DAPK2: variants seen among roughly 807,000 people sequenced by gnomAD.
DAPK2 encodes the protein death associated protein kinase 2.
In DAPK2, 35 loss-of-function variants were observed where a neutral mutation model predicts 44.1. The observed-to-expected ratio is 0.79, with a 90% confidence interval of 0.61 to 1.05. The LOEUF is 1.05. Ranked by LOEUF, DAPK2 falls within the 50% of genes least tolerant of loss-of-function variation. DAPK2 has a pLI of 0.00. For synonymous variants in DAPK2, 174 were observed against 182.6 expected, an observed-to-expected ratio of 0.95 and a Z score of 0.38; for missense variants, 453 against 483.2, an observed-to-expected ratio of 0.94 and a Z score of 0.59.
chr15:63,914,553 A>G (rs1203546691), intron 8 of DAPK2, among the ~76,000 whole-genome samples: 1 of 152,128 alleles, frequency 6.6e-6, no homozygotes, highest in East Asian at 1.9e-4. Flanking sequence ...GAGGGTGACC[A>G]ATCTGTGCTG....
At chr15:63,946,315 G>A (rs778445163) in intron 3 of DAPK2, among the ~76,000 whole-genome samples, 2 of 152,246 alleles carry the variant, frequency 1.3e-5, no homozygotes, top group Non-Finnish European at 2.9e-5. Flanking sequence ...TGAAGTCTGA[G>A]CAGGATGAAG....
rs928796354 is a variant in DAPK2 at position 63,966,500 on chromosome 15, T to C, written c.453+4923A>G. The stretch of plus-strand genomic sequence containing the variant: ...CCAAGCACAGCACAGGACCAGGACT[T>C]GTCCAGGAATTGCAGTCCTTGTGGC... On this transcript the variant is annotated intron_variant, in intron 3 of 10. Coordinates refer to ENST00000261891, the Ensembl canonical transcript of DAPK2. The surrounding 1 kb of genome is among the most constrained non-coding windows in gnomAD (Gnocchi z 5.5). 6.6e-6 allele frequency among the ~76,000 whole-genome samples: 1 copy of C among 152,294 alleles called. No individual in the cohort carries two copies. Among genetic ancestry groups the C allele is most frequent in the South Asian group, 2.1e-4 (1 of 4,826 alleles).
rs769342474 is a variant in DAPK2 at position 63,912,093 on chromosome 15, C to T, written c.948+15G>A. ...GCCCCCACCCTGTCCCCCGCCGCCC[C>T]AACCCTGGACACACCTTCCACCGCC... is the stretch of plus-strand genomic sequence containing the variant. On this transcript the variant is annotated intron_variant, in intron 9 of 10. Transcript: ENST00000261891. The surrounding 1 kb of genome is among the most constrained non-coding windows in gnomAD (Gnocchi z 4.4). 5.0e-6 allele frequency: 8 copies of T among 1,612,676 alleles called. No homozygotes were observed. The South Asian group carries it at 7.7e-5, about 16-fold the overall frequency.
At chr15:63,997,403 C>A (rs928931980) in intron 1 of DAPK2, among the ~76,000 whole-genome samples, 10 of 152,220 alleles carry the variant, frequency 6.6e-5, no homozygotes, top group Admixed American at 4.6e-4. Context: ...TCTTGGCTCA[C>A]TGCAACCTCC....
At chr15:64,002,453 T>C (rs780374187) in intron 1 of DAPK2, among the ~76,000 whole-genome samples, 19 of 152,228 alleles carry the variant, frequency 1.2e-4, no homozygotes, top group Non-Finnish European at 2.1e-4. Flanking sequence ...GTGTCTTCCA[T>C]AGCATCTATC....
At chr15:64,014,223 C>G (rs1181218840) in intron 1 of DAPK2, among the ~76,000 whole-genome samples, 4 of 152,232 alleles carry the variant, frequency 2.6e-5, no homozygotes, top group Non-Finnish European at 1.5e-5. Flanking sequence ...CTGCTGGGAC[C>G]AGGATCAGGG....
intron 1 of DAPK2, among the ~76,000 whole-genome samples, chr15:64,023,767 G>A (rs982713791): frequency 1.1e-4 from 17 of 152,168 alleles, no homozygotes; most frequent in Admixed American, 3.3e-4. Flanking sequence ...CACTTCCCAC[G>A]TGCCACGCTA....
In DAPK2 at chr15:63,908,707, A is replaced by G. The variant is rs2078707557; in HGVS notation, c.1033-107T>C. On this transcript the variant is annotated intron_variant, in intron 10 of 10. Coordinates refer to ENST00000261891, the Ensembl canonical transcript of DAPK2. This position sits in a 1 kb window ranked among gnomAD's most constrained non-coding sequence, Gnocchi z 5.7. The stretch of plus-strand genomic sequence containing the variant: ...TGATTCACCTGGACCACGGGACTAC[A>G]AGCCAGGGAGGTGGGTGGTGAAAGC... The G allele has an allele frequency of 1.1e-6, 1 of 881,900 alleles. No homozygotes were observed. The highest frequency in any genetic ancestry group is 1.7e-5 in the African/African-American group (1 of 57,568). The allele number at this position is 881,900 out of a possible 1,614,324, so 54.6% of individuals were successfully genotyped here.
At chr15:64,023,656 C>T (rs1435526171) in intron 1 of DAPK2, among the ~76,000 whole-genome samples, 1 of 152,156 alleles carries the variant, frequency 6.6e-6, no homozygotes, top group Non-Finnish European at 1.5e-5. Context: ...AATACTGATG[C>T]CAGGGCCTCA....
chr15:64,015,460 AC>A (rs1373863042), intron 1 of DAPK2, among the ~76,000 whole-genome samples: 1 of 152,120 alleles, frequency 6.6e-6, no homozygotes, highest in Non-Finnish European at 1.5e-5. Flanking sequence ...GAGTGGATTG[AC>A]CCCCAAAGTT....
In DAPK2 at chr15:63,912,089, G is replaced by A. The variant is rs747691041; in HGVS notation, c.948+19C>T. 4.2e-5 allele frequency: 28 copies of A among 659,468 alleles called. No individual in the cohort carries two copies. The highest frequency in any genetic ancestry group is 2.2e-4 in the South Asian group (16 of 72,660). The allele number at this position is 659,468 out of a possible 1,614,324, so 40.9% of individuals were successfully genotyped here. A position where few individuals can be genotyped will look rare whatever the true frequency, so the allele number is the denominator to read the frequency against. On this transcript the variant is annotated intron_variant, in intron 9 of 10. Transcript: ENST00000261891. This position sits in a 1 kb window ranked among gnomAD's most constrained non-coding sequence, Gnocchi z 4.4. Reference sequence around the variant, plus strand: ...CCTAGCCCCCACCCTGTCCCCCGCCGCCCCAACCCTGGACACACCTTCCAC... The same window carrying A: ...CCTAGCCCCCACCCTGTCCCCCGCCACCCCAACCCTGGACACACCTTCCAC...
chr15:63,939,361 G>T lies in DAPK2; in HGVS notation c.454C>A (p.Pro152Thr). Residue 152 changes from proline to threonine, a missense_variant and splice_region_variant, in exon 4 of 11, where the codon CCA becomes ACA. Pro to Thr is a conservative substitution (Grantham distance 38). Transcript: ENST00000261891. This position sits in a 1 kb window ranked among gnomAD's most constrained non-coding sequence, Gnocchi z 4.3. ...TTGTCTAACAACATAATGTTTTCTG[G>T]CTGGACAACAAAAAGTAGAAAAAAA... is the stretch of plus-strand genomic sequence containing the variant. 1 of 1,574,672 alleles carries T rather than the reference G, an allele frequency of 6.4e-7. No homozygotes were observed. Among genetic ancestry groups the T allele is most frequent in the Non-Finnish European group, 8.6e-7 (1 of 1,164,370 alleles).
In DAPK2 at chr15:63,972,306, G is replaced by C. The variant is rs2078234399; in HGVS notation, c.315-745C>G. 3.9e-5 allele frequency among the ~76,000 whole-genome samples: 6 copies of C among 152,198 alleles called. No individual in the cohort carries two copies. In the South Asian group the frequency reaches 1.2e-3, roughly 31 times the overall value. The stretch of plus-strand genomic sequence containing the variant: ...ACCTAAAAATGTGGAAGCTGCTTTG[G>C]AATCAGCTAACAAGTAGAGGCTGGA... On this transcript the variant is annotated intron_variant, in intron 2 of 10. Transcript: ENST00000261891.
At chr15:63,948,450 A>C (rs2140510063) in intron 3 of DAPK2, among the ~76,000 whole-genome samples, 1 of 152,098 alleles carries the variant, frequency 6.6e-6, no homozygotes, top group South Asian at 2.1e-4. Context: ...AAGGAGAGAG[A>C]GGGGAGGTGC....
chr15:64,027,411 A>C (rs60551747), intron 1 of DAPK2, among the ~76,000 whole-genome samples: 3,523 of 151,460 alleles, frequency 0.023, 125 homozygotes, highest in African/African-American at 0.08. Flanking sequence ...CAAAAAAAAA[A>C]CCCCAAAATT....
intron 10 of DAPK2, 93 bp downstream of exon 11, chr15:63,911,815 C>T (rs1163995999): frequency 7.8e-7 from 1 of 1,278,552 alleles, no homozygotes; most frequent in Admixed American, 2.0e-5. Context: ...AGTGAACACC[C>T]ACCTGCCTTG....
intron 3 of DAPK2, among the ~76,000 whole-genome samples, chr15:63,945,810 A>C (rs768408065): frequency 3.9e-5 from 6 of 152,152 alleles, no homozygotes; most frequent in Non-Finnish European, 7.4e-5. Context: ...ACAACCTCCC[A>C]AGCTGGCTGT....
intron 1 of DAPK2, among the ~76,000 whole-genome samples, chr15:64,003,260 A>C (rs2079145041): frequency 6.6e-6 from 1 of 152,162 alleles, no homozygotes; most frequent in Non-Finnish European, 1.5e-5. Flanking sequence ...TCCAGAGCAC[A>C]TCTCTAGATT....
intron 3 of DAPK2, among the ~76,000 whole-genome samples, chr15:63,951,737 T>C (rs1391320057): frequency 6.6e-6 from 1 of 152,198 alleles, no homozygotes; most frequent in African/African-American, 2.4e-5. Flanking sequence ...AATGTTCATA[T>C]CAGTAAATTG....
Sources: gnomAD v4.1 joint callset for allele counts (sites outside exome capture counted in the v4.1 genomes callset) on GRCh38, gnomAD v4.1.1 for gene constraint, Gnocchi (gnomAD v3.1) non-coding constraint, MANE v1.5 for transcripts, NCBI Gene and HGNC (gene_info 2026-07-23, HGNC 2026-07-21) for gene names.